Variants in TBX10 observed in about 807,000 individuals in gnomAD.
The protein encoded by TBX10 is T-box transcription factor 10.
A neutral mutation model predicts 32.4 loss-of-function variants in TBX10; 26 were observed. That is an observed-to-expected ratio of 0.80 (90% CI 0.59 to 1.11). The LOEUF is 1.11. TBX10 is among the 50% of genes most tolerant of loss of function. The probability of loss-of-function intolerance (pLI) is 0.00; values close to 1 mark genes in which losing one functional copy is unlikely to be tolerated. For synonymous variants in TBX10, 195 were observed against 203.1 expected (o/e 0.96, Z 0.34); for missense variants, 490 against 494.5 (o/e 0.99, Z 0.09).
chr11:67,640,387 GGA>G (rs151147994), upstream of TBX10, among the ~76,000 whole-genome samples: 1,491 of 152,368 alleles, frequency 9.8e-3, 21 homozygotes, highest in African/African-American at 0.034. Flanking sequence ...CATCCCGCCT[GGA>G]ACTGGGGGCA....
chr11:67,636,073 CTTTTTTTT>C (rs60139069), intron 1 of TBX10, among the ~76,000 whole-genome samples: 93 of 98,006 alleles, frequency 9.5e-4, no homozygotes, highest in African/African-American at 3.2e-3. Flanking sequence ...ATTAGAACTC[CTTTTTTTT>C]TTTTTTTTTT....
intron 7 of TBX10, among the ~76,000 whole-genome samples, 157 bp from the exon 8 acceptor site, chr11:67,632,051 C>T (rs1855245050): frequency 6.6e-6 from 1 of 152,208 alleles, no homozygotes; most frequent in Non-Finnish European, 1.5e-5. Context: ...TCTTCACCTT[C>T]TCCCTCTGTC....
At position 67,631,702 on chromosome 11, in the gene TBX10, CG is replaced by C. The variant is rs1565232721; in HGVS notation, c.1060del (p.Arg354GlyfsTer114). On this transcript the variant is annotated frameshift_variant, in exon 8 of 8. Coordinates refer to ENST00000335385, the MANE Select transcript of TBX10 (RefSeq NM_005995.5). LOFTEE classifies it low-confidence loss of function (END_TRUNC). ...RPAPYPLPNI[R>X]ADRDQGGLPL... ...CAGGCCTCCTTGATCCCTATCAGCC[CG>C]GATGTTGGGGAGGGGGTATGGTGCT... is the stretch of plus-strand genomic sequence containing the variant. 2.5e-6 allele frequency: 4 copies of C among 1,608,986 alleles called. No homozygotes were observed. The African/African-American group carries it at 5.3e-5, about 21-fold the overall frequency.
At position 67,639,558 on chromosome 11, in the gene TBX10, C is replaced by A; in HGVS notation, c.-86G>T. 6.3e-7 allele frequency: 1 copy of A among 1,578,256 alleles called. No individual in the cohort carries two copies. Among genetic ancestry groups the A allele is most frequent in the East Asian group, 2.3e-5 (1 of 44,070 alleles). On this transcript the variant is annotated 5_prime_UTR_variant, in exon 1 of 8. Transcript: ENST00000335385. Reference sequence around the variant, plus strand: ...CCTGCTGGAAGGGGTGGTCACCACTCGTCCACTCGGCACCTCAGCTCAGCC... The same window carrying A: ...CCTGCTGGAAGGGGTGGTCACCACTAGTCCACTCGGCACCTCAGCTCAGCC...
intron 4 of TBX10, 82 bp from the exon 5 acceptor site, chr11:67,633,185 C>T (rs112895670): frequency 2.0e-5 from 31 of 1,533,820 alleles, no homozygotes; most frequent in East Asian, 1.4e-4. Context: ...CCCTCCAAGC[C>T]GGGAGACTGC....
chr11:67,631,758 C>A lies in TBX10; in HGVS notation c.1005G>T (p.Pro335=). The change falls in exon 8 of 8, where the codon CCG becomes CCT. Residue 335 remains proline, a synonymous_variant. Coordinates refer to ENST00000335385, the MANE Select transcript of TBX10 (RefSeq NM_005995.5). ...GGGTCCTTGGGATCCCTAGGTGGCTCGGGGCTCCAGAGTACAGGCTCTGAT... is the reference window on the plus strand; with the variant it reads ...GGGTCCTTGGGATCCCTAGGTGGCTAGGGGCTCCAGAGTACAGGCTCTGAT... ...VTYQSLYSGA[P]SHLGIPRTRP... 1 of 1,608,064 alleles carries A rather than the reference C, an allele frequency of 6.2e-7. No homozygotes were observed.
intron 1 of TBX10, 75 bp downstream of exon 1, chr11:67,639,391 G>C: frequency 1.3e-6 from 1 of 779,178 alleles, no homozygotes; most frequent in South Asian, 1.4e-5. Flanking sequence ...GGCTGTCTTG[G>C]TTCCCACCCT....
intron 4 of TBX10, among the ~76,000 whole-genome samples, chr11:67,633,927 C>T (rs760453708): frequency 2.0e-4 from 30 of 152,182 alleles, no homozygotes; most frequent in Non-Finnish European, 3.2e-4. Flanking sequence ...CTAGGCTGGG[C>T]GTTCCATACC....
In TBX10 at chr11:67,632,385, A is replaced by T; in HGVS notation, c.801T>A (p.Ser267Arg). Reference sequence around the variant, plus strand: ...GGCTGCTGTGACTCCGGGCTGGGACACTGAGCAGGGGCCGTGGGGCCACAG... The same window carrying T: ...GGCTGCTGTGACTCCGGGCTGGGACTCTGAGCAGGGGCCGTGGGGCCACAG... ...SWPVAPRPLL[S>R]VPARSHSSLS... is the part of the protein sequence containing the mutation. Residue 267 changes from serine (S) to arginine (R), a missense_variant, in exon 7 of 8, where the codon AGT becomes AGA. Ser to Arg is a moderately radical substitution (Grantham distance 110). Coordinates refer to ENST00000335385, the MANE Select transcript of TBX10 (RefSeq NM_005995.5). The T allele has an allele frequency of 6.2e-7, 1 of 1,613,076 alleles. No individual in the cohort carries two copies. The highest frequency in any genetic ancestry group is 8.5e-7 in the Non-Finnish European group (1 of 1,180,004).
At chr11:67,634,779 T>C (rs1286082181) in intron 3 of TBX10, 37 bp downstream of exon 3, 1 of 1,602,488 alleles carries the variant, frequency 6.2e-7, no homozygotes, top group South Asian at 1.1e-5. Context: ...TCTCAGCACC[T>C]GAGACCTGAG....
At chr11:67,641,347 A>G (rs964551742), upstream of TBX10, among the ~76,000 whole-genome samples, 12 of 152,206 alleles carry the variant, frequency 7.9e-5, no homozygotes, top group Non-Finnish European at 1.6e-4. Flanking sequence ...ATGAACTCAG[A>G]GCCTGCTGAC....
At chr11:67,639,377 G>C in intron 1 of TBX10, 89 bp downstream of exon 1, 1 of 1,420,890 alleles carries the variant, frequency 7.0e-7, no homozygotes, top group Non-Finnish European at 9.9e-7. Context: ...CCTGGGTTCA[G>C]CGGGGCTGTC....
rs779139266 is a variant in TBX10, at chr11:67,631,761, G to A, written c.1002C>T (p.Ala334=). 1.2e-6 allele frequency: 2 copies of A among 1,607,714 alleles called. No homozygotes were observed. Among genetic ancestry groups the A allele is most frequent in the South Asian group, 1.1e-5 (1 of 89,538 alleles). ...TCCTTGGGATCCCTAGGTGGCTCGG[G>A]GCTCCAGAGTACAGGCTCTGATACG... is the stretch of plus-strand genomic sequence containing the variant. ...PVTYQSLYSG[A]PSHLGIPRTR... The change falls in exon 8 of 8, where the codon GCC becomes GCT. Residue 334 remains alanine (A), a synonymous_variant. Transcript: ENST00000335385.
intron 4 of TBX10, 92 bp from the exon 5 acceptor site, chr11:67,633,195 C>T: frequency 1.3e-6 from 2 of 1,495,924 alleles, no homozygotes; most frequent in Non-Finnish European, 1.8e-6. Context: ...CGGGAGACTG[C>T]CCTGGGCCTG....
chr11:67,639,393 T>TCTC, intron 1 of TBX10, 73 bp downstream of exon 1: 1 of 726,926 alleles, frequency 1.4e-6, no homozygotes, highest in Non-Finnish European at 2.5e-6. Flanking sequence ...CTGTCTTGGT[T>TCTC]CCCACCCTGC....
chr11:67,639,393 T>TGGCCCCCCCCCC, intron 1 of TBX10, 73 bp downstream of exon 1: 1 of 726,924 alleles, frequency 1.4e-6, no homozygotes, highest in Non-Finnish European at 2.5e-6. Context: ...CTGTCTTGGT[T>TGGCCCCCCCCCC]CCCACCCTGC....
intron 1 of TBX10, among the ~76,000 whole-genome samples, 193 bp from the exon 2 acceptor site, chr11:67,635,456 T>C (rs1486943681): frequency 6.6e-6 from 1 of 152,230 alleles, no homozygotes; most frequent in Admixed American, 6.5e-5. Flanking sequence ...AGCAAGCTCC[T>C]TGACGGTAGT....
chr11:67,641,079 C>T (rs1855397332), upstream of TBX10, among the ~76,000 whole-genome samples: 2 of 152,018 alleles, frequency 1.3e-5, no homozygotes, highest in South Asian at 4.1e-4. Context: ...TGAGGCTATA[C>T]AACAAGGTGT....
In TBX10 at chr11:67,639,434, T is replaced by C. The variant is rs749558068; in HGVS notation, c.7+32A>G. ...CACCCTGGAACCTGAGCCTGACCCATGAGGCCACCTCTGCTTCAGAACGTA... is the reference window on the plus strand; with the variant it reads ...CACCCTGGAACCTGAGCCTGACCCACGAGGCCACCTCTGCTTCAGAACGTA... On this transcript the variant is annotated intron_variant, in intron 1 of 7. Coordinates refer to ENST00000335385, the MANE Select transcript of TBX10 (RefSeq NM_005995.5). The C allele has an allele frequency of 2.7e-6, 3 of 1,124,336 alleles. No individual in the cohort carries two copies. In the Admixed American group the frequency reaches 6.8e-5, roughly 26 times the overall value. 69.6% of individuals were successfully genotyped at this position (1,124,336 alleles called of 1,614,324 possible).
Sources: gnomAD v4.1 joint callset for allele counts (sites outside exome capture counted in the v4.1 genomes callset) on GRCh38, gnomAD v4.1.1 for gene constraint, MANE v1.5 for transcripts, NCBI Gene and HGNC (gene_info 2026-07-23, HGNC 2026-07-21) for gene names.